Variants in EXOC4 observed in about 807,000 individuals in gnomAD.
EXOC4 encodes the protein SEC8-like 1.
EXOC4 carries 71 observed loss-of-function variants against 107.2 expected under a neutral mutation model. The observed-to-expected ratio is 0.66, with a 90% CI of 0.55 to 0.81. The LOEUF is 0.81. Among genes scored for constraint, EXOC4 ranks in the 30% least tolerant of loss-of-function variants. EXOC4 has a pLI of 0.00. For synonymous variants in EXOC4, 456 were observed against 441.2 expected, an observed-to-expected ratio of 1.03 and a Z score of -0.42; for missense variants, 1,108 against 1,189.6, an observed-to-expected ratio of 0.93 and a Z score of 1.01.
chr7:133,677,422 T>G (rs1353946103), intron 10 of EXOC4, among the ~76,000 whole-genome samples: 1 of 152,162 alleles, frequency 6.6e-6, no homozygotes, highest in Non-Finnish European at 1.5e-5. Context: ...GAATGTATAC[T>G]AGAATTTCTC....
intron 2 of EXOC4, 73 bp from the exon 3 acceptor site, chr7:133,288,848 GA>G (rs1321418647): frequency 3.3e-5 from 41 of 1,244,702 alleles, no homozygotes; most frequent in Non-Finnish European, 4.4e-5. Context: ...TACCAGTGAA[GA>G]CTACTAACCA....
intron 9 of EXOC4, among the ~76,000 whole-genome samples, chr7:133,585,901 G>T (rs1035138334): frequency 6.6e-5 from 10 of 151,890 alleles, no homozygotes; most frequent in African/African-American, 2.4e-4. Flanking sequence ...CACCATGTTG[G>T]CCAGGCTGGT....
Position 133,617,172 on chromosome 7 carries a change from A to G in EXOC4, c.1418-12873A>G, listed in dbSNP as rs180921037. Among the ~76,000 whole-genome samples the G allele has an allele frequency of 8.7e-4, 133 of 152,304 alleles. 1 individual carries two copies. The highest frequency in any genetic ancestry group is 1.4e-3 in the Non-Finnish European group (95 of 68,010). ...TAAGGCAAAAGCTGTATTCTGCTCT[A>G]TATTAATTATTTTTGGATTATTTAT... is the stretch of plus-strand genomic sequence containing the variant. On this transcript the variant is annotated intron_variant, in intron 9 of 17. Coordinates refer to ENST00000253861, the MANE Select transcript of EXOC4 (RefSeq NM_021807.4).
intron 17 of EXOC4, among the ~76,000 whole-genome samples, chr7:134,047,248 G>GT (rs1011168898): frequency 1.3e-5 from 2 of 152,070 alleles, no homozygotes; most frequent in African/African-American, 2.4e-5. Context: ...TTTCTGAGAG[G>GT]TTTTTTCAAA....
At chr7:133,632,645 C>CA (rs1802617611) in intron 10 of EXOC4, among the ~76,000 whole-genome samples, 1 of 152,116 alleles carries the variant, frequency 6.6e-6, no homozygotes, top group Admixed American at 6.5e-5. Context: ...TGTTCATTAT[C>CA]ACGCTTGTGT....
intron 17 of EXOC4, among the ~76,000 whole-genome samples, chr7:134,019,826 G>A (rs1361450466): frequency 6.6e-6 from 1 of 152,034 alleles, no homozygotes; most frequent in Non-Finnish European, 1.5e-5. Context: ...TATTTTCTCT[G>A]GTTGGGTGTC....
intron 2 of EXOC4, among the ~76,000 whole-genome samples, chr7:133,279,447 A>T (rs1794079395): frequency 6.6e-6 from 1 of 152,178 alleles, no homozygotes; most frequent in Non-Finnish European, 1.5e-5. Flanking sequence ...AATAGATTTC[A>T]TTGGAGACCA....
chr7:133,343,941 A>G (rs1025959439), intron 5 of EXOC4, among the ~76,000 whole-genome samples: 1 of 151,854 alleles, frequency 6.6e-6, no homozygotes, highest in Non-Finnish European at 1.5e-5. Context: ...AGCCTCCCAG[A>G]TAGCACTACA....
chr7:133,806,405 G>A (rs903691786), intron 10 of EXOC4, among the ~76,000 whole-genome samples: 2 of 152,354 alleles, frequency 1.3e-5, no homozygotes, highest in South Asian at 2.1e-4. Context: ...GACATCATTT[G>A]AAAGTATCTA....
chr7:133,833,265 A>C (rs1009539336), intron 11 of EXOC4, among the ~76,000 whole-genome samples: 1 of 151,558 alleles, frequency 6.6e-6, no homozygotes, highest in Non-Finnish European at 1.5e-5. Flanking sequence ...AAAAAGGCCT[A>C]GGGATGTTTA....
intron 10 of EXOC4, among the ~76,000 whole-genome samples, chr7:133,749,600 G>T (rs1334086011): frequency 6.6e-6 from 1 of 152,104 alleles, no homozygotes; most frequent in South Asian, 2.1e-4. Context: ...CGCCATGTTG[G>T]CCAGGCTGGT....
intron 7 of EXOC4, among the ~76,000 whole-genome samples, chr7:133,391,298 C>T (rs1376227828): frequency 1.3e-5 from 2 of 152,186 alleles, no homozygotes; most frequent in South Asian, 2.1e-4. Flanking sequence ...AAGCTCAGCA[C>T]GAATTAGCCA....
At chr7:133,604,643 C>G (rs1354781323) in intron 9 of EXOC4, among the ~76,000 whole-genome samples, 1 of 148,424 alleles carries the variant, frequency 6.7e-6, no homozygotes, top group Non-Finnish European at 1.5e-5. Flanking sequence ...TCCTTCAGCT[C>G]TGGTTTCATC....
intron 11 of EXOC4, among the ~76,000 whole-genome samples, chr7:133,841,498 T>A (rs1453350933): frequency 6.6e-6 from 1 of 152,188 alleles, no homozygotes; most frequent in Non-Finnish European, 1.5e-5. Flanking sequence ...AGGCTTTTTC[T>A]GCTGCAGCTT....
At chr7:133,720,820 G>C (rs1795091861) in intron 10 of EXOC4, among the ~76,000 whole-genome samples, 1 of 152,154 alleles carries the variant, frequency 6.6e-6, no homozygotes, top group South Asian at 2.1e-4. Flanking sequence ...ACTTCAAACT[G>C]ACCTGACTGC....
At chr7:133,747,361 G>A (rs946478396) in intron 10 of EXOC4, among the ~76,000 whole-genome samples, 3 of 152,140 alleles carry the variant, frequency 2.0e-5, no homozygotes, top group Non-Finnish European at 4.4e-5. Context: ...ACAACTGTAC[G>A]CTGAGTAGAA....
intron 4 of EXOC4, among the ~76,000 whole-genome samples, chr7:133,310,326 G>A (rs1794842338): frequency 6.6e-6 from 1 of 152,098 alleles, no homozygotes; most frequent in Non-Finnish European, 1.5e-5. Flanking sequence ...CTCACTTAAT[G>A]CCCTCAATAG....
At chr7:134,087,711 G>C in the EXOC4 span, among the ~76,000 whole-genome samples, 1 of 152,112 alleles carries the variant, frequency 6.6e-6, no homozygotes, top group African/African-American at 2.4e-5. Context: ...GGATAAGCAG[G>C]ATTAGTCTTA....
intron 9 of EXOC4, among the ~76,000 whole-genome samples, chr7:133,573,746 C>T (rs1801071686): frequency 6.6e-6 from 1 of 152,186 alleles, no homozygotes. Flanking sequence ...CTTCCACCCC[C>T]GGCCTCTAGT....
Sources: allele counts gnomAD v4.1 joint callset (sites outside exome capture counted in the v4.1 genomes callset), GRCh38; gene constraint gnomAD v4.1.1; transcripts MANE v1.5; gene names NCBI Gene and HGNC (gene_info 2026-07-23, HGNC 2026-07-21).